The following PPM1H variants were observed in gnomAD, a reference collection of about 807,000 sequenced individuals.
The protein encoded by PPM1H is protein phosphatase, Mg2+/Mn2+ dependent 1H, also known as protein phosphatase 1H.
In PPM1H, 27 loss-of-function variants were observed where a neutral mutation model predicts 54.9. The observed-to-expected ratio is 0.49, with a 90% CI of 0.36 to 0.68. The LOEUF is 0.68. Among genes scored for constraint, PPM1H ranks in the 30% least tolerant of loss-of-function variants. The pLI is 0.00. For synonymous variants in PPM1H, 305 were observed against 270.8 expected (o/e 1.13, Z -1.24); for missense variants, 596 against 667.8 (o/e 0.89, Z 1.19).
intron 1 of PPM1H, among the ~76,000 whole-genome samples, chr12:62,837,230 C>T (rs1868528665): frequency 6.6e-6 from 1 of 152,186 alleles, no homozygotes; most frequent in African/African-American, 2.4e-5. Context: ...GCCTTCTCAC[C>T]TTATAAACCT....
At chr12:62,710,690 C>A (rs1050130867) in intron 6 of PPM1H, among the ~76,000 whole-genome samples, 1 of 152,198 alleles carries the variant, frequency 6.6e-6, no homozygotes, top group Admixed American at 6.5e-5. Flanking sequence ...CCATCTTCAT[C>A]TGCCATGCTG....
At chr12:62,706,578 C>T (rs972984496) in intron 6 of PPM1H, among the ~76,000 whole-genome samples, 1 of 152,218 alleles carries the variant, frequency 6.6e-6, no homozygotes, top group Non-Finnish European at 1.5e-5. Context: ...ACATAATCCT[C>T]ACTGTAACAC....
At chr12:62,831,172 A>G (rs563285215) in intron 2 of PPM1H, among the ~76,000 whole-genome samples, 37 of 152,300 alleles carry the variant, frequency 2.4e-4, no homozygotes, top group African/African-American at 8.7e-4. Context: ...TACTATTTCT[A>G]AAACTAAGAA....
At chr12:62,908,407 C>CAAAAAAAA (rs751766456) in intron 1 of PPM1H, among the ~76,000 whole-genome samples, 2 of 96,886 alleles carry the variant, frequency 2.1e-5, no homozygotes, top group Non-Finnish European at 2.0e-5. Context: ...GACTCCGTCT[C>CAAAAAAAA]AAAAAAAAAA....
intron 8 of PPM1H, among the ~76,000 whole-genome samples, chr12:62,677,122 AG>A (rs1275629908): frequency 6.6e-6 from 1 of 152,084 alleles, no homozygotes; most frequent in Non-Finnish European, 1.5e-5. Flanking sequence ...ATCTCCACTG[AG>A]GGCTGCACTC....
At chr12:62,685,061 A>C (rs377477959) in intron 8 of PPM1H, among the ~76,000 whole-genome samples, 9 of 151,728 alleles carry the variant, frequency 5.9e-5, no homozygotes, top group African/African-American at 2.2e-4. Flanking sequence ...AGGCCTCTCC[A>C]TCTGGAAACA....
At chr12:62,824,632 CA>C (rs1228144432) in intron 2 of PPM1H, among the ~76,000 whole-genome samples, 3 of 152,018 alleles carry the variant, frequency 2.0e-5, no homozygotes, top group Non-Finnish European at 2.9e-5. Context: ...ACAAACCTGA[CA>C]AAAACAAGAA....
chr12:62,729,634 T>A (rs2076308705), intron 5 of PPM1H, among the ~76,000 whole-genome samples: 1 of 152,170 alleles, frequency 6.6e-6, no homozygotes, highest in Non-Finnish European at 1.5e-5. Flanking sequence ...CAGCACCCCA[T>A]CCAATCACTG....
chr12:62,817,116 T>TAAAAAAA (rs1189819660), intron 2 of PPM1H, among the ~76,000 whole-genome samples: 3 of 41,776 alleles, frequency 7.2e-5, no homozygotes, highest in Non-Finnish European at 1.4e-4. Context: ...ACTGCATTAC[T>TAAAAAAA]AAAAAAAAAA....
In PPM1H at chr12:62,659,177, CAG is replaced by C. The variant is rs1290012342; in HGVS notation, c.1397+7999_1397+8000del. 5 of 694,474 alleles carry C rather than the reference CAG, an allele frequency of 7.2e-6. No individual in the cohort carries two copies. The East Asian group carries it at 1.4e-4, about 19-fold the overall frequency. The allele number at this position is 694,474 out of a possible 1,614,324, so 43.0% of individuals were successfully genotyped here. A position where few individuals can be genotyped will look rare whatever the true frequency, so the allele number is the denominator to read the frequency against. ...TGGAAAGAGCTGCCCAGCTGGCCAT[CAG>C]AGTCACCAACCCCAATGCCAGGCTG... On this transcript the variant is annotated intron_variant, in intron 9 of 9. Transcript: ENST00000228705.
rs78951097 is a variant in PPM1H at position 62,739,567 on chromosome 12, C to A, written c.870-1981G>T. 7.9e-5 allele frequency among the ~76,000 whole-genome samples: 12 copies of A among 152,278 alleles called. No homozygotes were observed. In the East Asian group the frequency reaches 1.9e-3, roughly 25 times the overall value. On this transcript the variant is annotated intron_variant, in intron 4 of 9. Coordinates refer to ENST00000228705, the MANE Select transcript of PPM1H (RefSeq NM_020700.2). ...CTCTTAACTTTTTCCTCTTTTTCTG[C>A]ACGGCCCCTGAATTGCAGTTGAATT...
chr12:62,841,353 GA>G (rs1179660388), intron 1 of PPM1H, among the ~76,000 whole-genome samples: 5 of 152,110 alleles, frequency 3.3e-5, no homozygotes, highest in Admixed American at 2.0e-4. Flanking sequence ...TAGCTGGGGG[GA>G]AAAAAGAATA....
chr12:62,873,140 G>A (rs1159753655), intron 1 of PPM1H, among the ~76,000 whole-genome samples: 1 of 152,168 alleles, frequency 6.6e-6, no homozygotes, highest in Non-Finnish European at 1.5e-5. Context: ...TGAGTTGGGT[G>A]TCTTCCTACT....
At chr12:62,882,505 G>A (rs758910677) in intron 1 of PPM1H, among the ~76,000 whole-genome samples, 6 of 152,232 alleles carry the variant, frequency 3.9e-5, no homozygotes, top group Non-Finnish European at 8.8e-5. Context: ...GGAATGGACA[G>A]AGCTAGAGAC....
At chr12:62,684,847 C>T (rs2136632098) in intron 8 of PPM1H, among the ~76,000 whole-genome samples, 1 of 152,274 alleles carries the variant, frequency 6.6e-6, no homozygotes, top group Non-Finnish European at 1.5e-5. Context: ...AGGCTCCCAA[C>T]AGAGGCCACT....
At position 62,645,153 on chromosome 12, in the gene PPM1H, T is replaced by G. The variant is rs989477866; in HGVS notation, c.*3336A>C. 1 of 152,190 alleles carries G rather than the reference T, an allele frequency of 6.6e-6. No homozygotes were observed. The highest frequency in any genetic ancestry group is 1.5e-5 in the Non-Finnish European group (1 of 68,044). 9.4% of individuals were successfully genotyped at this position (152,190 alleles called of 1,614,324 possible). A position where few individuals can be genotyped will look rare whatever the true frequency, so the allele number is the denominator to read the frequency against. On this transcript the variant is annotated 3_prime_UTR_variant, in exon 10 of 10. Coordinates refer to ENST00000228705, the MANE Select transcript of PPM1H (RefSeq NM_020700.2). ...TTTTCATACTAGTGCTCTTGTTAAATGGAAAACCCTTCCTGAATGGGGAAG... is the reference window on the plus strand; with the variant it reads ...TTTTCATACTAGTGCTCTTGTTAAAGGGAAAACCCTTCCTGAATGGGGAAG...
chr12:62,760,508 C>T (rs1450531972), intron 4 of PPM1H, among the ~76,000 whole-genome samples: 1 of 152,166 alleles, frequency 6.6e-6, no homozygotes, highest in South Asian at 2.1e-4. Context: ...ATTACCTCCC[C>T]TCACACCCAG....
intron 5 of PPM1H, 28 bp from the exon 6 acceptor site, chr12:62,720,317 A>G: frequency 1.4e-6 from 2 of 1,475,026 alleles, no homozygotes; most frequent in South Asian, 1.1e-5. Context: ...AAGAAAAAAC[A>G]CACACATACA....
At position 62,915,725 on chromosome 12, in the gene PPM1H, A is replaced by C. The variant is rs80280068; in HGVS notation, c.245+18767T>G. On this transcript the variant is annotated intron_variant, in intron 1 of 9. Transcript: ENST00000228705. ...AGAGGTTCCAGAGGACATGCCTGGCAGACCTAAAGAGCAGTCAAATGTTAC... is the reference window on the plus strand; with the variant it reads ...AGAGGTTCCAGAGGACATGCCTGGCCGACCTAAAGAGCAGTCAAATGTTAC... 8.3e-3 allele frequency among the ~76,000 whole-genome samples: 1,261 copies of C among 152,318 alleles called. 19 individuals are homozygous for C. Among genetic ancestry groups the C allele is most frequent in the Middle Eastern group, 0.054 (16 of 294 alleles).
Sources: allele counts gnomAD v4.1 joint callset (sites outside exome capture counted in the v4.1 genomes callset), GRCh38; gene constraint gnomAD v4.1.1; transcripts MANE v1.5; gene names NCBI Gene and HGNC (gene_info 2026-07-23, HGNC 2026-07-21).